Variants in PRKACB observed in about 807,000 individuals in gnomAD.
PRKACB encodes the protein protein kinase cAMP-activated catalytic subunit beta, also known as cAMP-dependent protein kinase catalytic subunit beta.
In PRKACB, 16 loss-of-function variants were observed where a neutral mutation model predicts 51.4. The observed-to-expected ratio is 0.31, with a 90% CI of 0.21 to 0.47. The LOEUF (loss-of-function observed/expected upper bound fraction) is 0.47, where lower values mean the gene tolerates loss of function less well. PRKACB is among the 20% of genes least tolerant of loss of function. The pLI, the probability that PRKACB is intolerant of heterozygous loss-of-function variation, is 1.00. For missense variants in PRKACB, 309 were observed against 464.5 expected (o/e 0.67, Z 3.08); for synonymous variants, 147 against 154.4 (o/e 0.95, Z 0.35).
At chr1:84,082,799 A>G (rs553720141) in intron 1 of PRKACB, among the ~76,000 whole-genome samples, 7 of 152,150 alleles carry the variant, frequency 4.6e-5, no homozygotes, top group Non-Finnish European at 1.0e-4. Context: ...GGTATATTGG[A>G]CAACACAGGT....
chr1:84,219,775 T>G lies in PRKACB; in HGVS notation c.1071+5458T>G, dbSNP rs1673434482. Among the ~76,000 whole-genome samples the G allele has an allele frequency of 2.0e-5, 3 of 151,942 alleles. No individual in the cohort carries two copies. In the South Asian group the frequency reaches 6.2e-4, roughly 32 times the overall value. On this transcript the variant is annotated intron_variant, in intron 9 of 9. Coordinates refer to ENST00000370685, the MANE Select transcript of PRKACB (RefSeq NM_182948.4). ...ACTTAGGTGTAATATGTGGATTTAT[T>G]TATGGGTTCTCTATTCTGTTCCATG...
intron 1 of PRKACB, among the ~76,000 whole-genome samples, chr1:84,089,325 C>G (rs1215155615): frequency 6.6e-6 from 1 of 152,068 alleles, no homozygotes; most frequent in East Asian, 1.9e-4. Flanking sequence ...CTCTTTCCCC[C>G]CTTTTTATGG....
intron 1 of PRKACB, among the ~76,000 whole-genome samples, chr1:84,168,291 G>A (rs1273006469): frequency 6.6e-6 from 1 of 151,438 alleles, no homozygotes; most frequent in Non-Finnish European, 1.5e-5. Flanking sequence ...CCTTGTATTT[G>A]CTTTATTATC....
chr1:84,199,625 G>A (rs529987727), intron 7 of PRKACB, among the ~76,000 whole-genome samples: 12 of 152,216 alleles, frequency 7.9e-5, no homozygotes, highest in Admixed American at 2.0e-4. Flanking sequence ...AAATGCATGT[G>A]TCTTTATGAT....
At chr1:84,136,668 A>G (rs1264278600) in intron 1 of PRKACB, among the ~76,000 whole-genome samples, 1 of 152,222 alleles carries the variant, frequency 6.6e-6, no homozygotes, top group Non-Finnish European at 1.5e-5. Flanking sequence ...CAATCCAGCA[A>G]TCACACTTGT....
At chr1:84,109,642 A>G (rs991658009) in intron 1 of PRKACB, among the ~76,000 whole-genome samples, 2 of 151,896 alleles carry the variant, frequency 1.3e-5, no homozygotes, top group African/African-American at 4.8e-5. Flanking sequence ...GTTTCCCTGA[A>G]ACATTATGAA....
intron 1 of PRKACB, among the ~76,000 whole-genome samples, chr1:84,126,863 A>T (rs906973022): frequency 3.9e-5 from 6 of 152,176 alleles, no homozygotes; most frequent in Non-Finnish European, 8.8e-5. Context: ...AAAAATATAT[A>T]TGAAATCTGT....
At chr1:84,196,572 T>G (rs1280551983) in intron 5 of PRKACB, 44 bp from the exon 6 acceptor site, 2 of 1,592,088 alleles carry the variant, frequency 1.3e-6, no homozygotes, top group Non-Finnish European at 1.7e-6. Flanking sequence ...TTAGAATGTA[T>G]TAACTCATTT....
chr1:84,083,821 A>C (rs1370938145), intron 1 of PRKACB, among the ~76,000 whole-genome samples: 1 of 152,110 alleles, frequency 6.6e-6, no homozygotes, highest in East Asian at 1.9e-4. Flanking sequence ...ATTTAATCTT[A>C]CTTTTAAATG....
intron 7 of PRKACB, among the ~76,000 whole-genome samples, chr1:84,199,183 A>G (rs945222827): frequency 1.3e-5 from 2 of 151,230 alleles, no homozygotes; most frequent in Non-Finnish European, 3.0e-5. Context: ...TCAGGGATAC[A>G]TGTGAAGGTT....
chr1:84,115,078 T>G (rs1650526419), intron 1 of PRKACB, among the ~76,000 whole-genome samples: 1 of 152,210 alleles, frequency 6.6e-6, no homozygotes. Flanking sequence ...GATCATATGA[T>G]AGTTCTGATT....
intron 1 of PRKACB, among the ~76,000 whole-genome samples, chr1:84,096,169 T>G (rs1648912453): frequency 6.6e-6 from 1 of 152,064 alleles, no homozygotes; most frequent in African/African-American, 2.4e-5. Context: ...CTATTCTTAC[T>G]CCTATCGATG....
rs771842397 is a variant in PRKACB at position 84,214,146 on chromosome 1, T to C, written c.907-7T>C. On this transcript the variant is annotated splice_polypyrimidine_tract_variant and splice_region_variant and intron_variant, in intron 8 of 9. Coordinates refer to ENST00000370685, the MANE Select transcript of PRKACB (RefSeq NM_182948.4). ...TGTGTGTTTTACCAAATGGTGTGTTTGTGTAGGTCCGATTCCCATCCCACT... is the reference window on the plus strand; with the variant it reads ...TGTGTGTTTTACCAAATGGTGTGTTCGTGTAGGTCCGATTCCCATCCCACT... The C allele has an allele frequency of 4.1e-5, 65 of 1,597,572 alleles. No individual in the cohort carries two copies. In the South Asian group the frequency reaches 6.6e-4, roughly 16 times the overall value.
chr1:84,145,284 C>G (rs976435021), intron 1 of PRKACB, among the ~76,000 whole-genome samples: 2 of 152,006 alleles, frequency 1.3e-5, no homozygotes, highest in African/African-American at 4.8e-5. Context: ...ATACTAGTGC[C>G]GCCATTCTAC....
At chr1:84,182,070 T>C in intron 2 of PRKACB, 130 bp from the exon 3 acceptor site, 1 of 701,616 alleles carries the variant, frequency 1.4e-6, no homozygotes, top group Non-Finnish European at 2.1e-6. Flanking sequence ...CTCAATAGCT[T>C]TTTTGTATTG....
intron 5 of PRKACB, among the ~76,000 whole-genome samples, chr1:84,190,411 A>T (rs767766095): frequency 2.6e-5 from 4 of 151,982 alleles, no homozygotes; most frequent in Non-Finnish European, 4.4e-5. Flanking sequence ...GAAAATTGAG[A>T]TATTAGGCAG....
intron 1 of PRKACB, among the ~76,000 whole-genome samples, chr1:84,164,060 A>G (rs1197104623): frequency 6.6e-6 from 1 of 152,084 alleles, no homozygotes; most frequent in African/African-American, 2.4e-5. Flanking sequence ...TTTGAATACC[A>G]CATGGATGGC....
chr1:84,134,270 C>G (rs1652564156), intron 1 of PRKACB, among the ~76,000 whole-genome samples: 1 of 152,210 alleles, frequency 6.6e-6, no homozygotes, highest in Non-Finnish European at 1.5e-5. Flanking sequence ...TTGGAAAAGG[C>G]AACATTCAAG....
chr1:84,141,899 A>T (rs1653455355), upstream of PRKACB, among the ~76,000 whole-genome samples: 1 of 152,144 alleles, frequency 6.6e-6, no homozygotes, highest in Non-Finnish European at 1.5e-5. Context: ...AGAAGTCCAC[A>T]TTGGCACTGA....
Sources: gnomAD v4.1 joint callset for allele counts (sites outside exome capture counted in the v4.1 genomes callset) on GRCh38, gnomAD v4.1.1 for gene constraint, MANE v1.5 for transcripts, NCBI Gene and HGNC (gene_info 2026-07-23, HGNC 2026-07-21) for gene names.